Variants in BMPR2 observed in about 807,000 individuals in gnomAD.
The protein encoded by BMPR2 is bone morphogenetic protein receptor type-2.
A neutral mutation model predicts 100.8 loss-of-function variants in BMPR2; 29 were observed. The ratio of observed to expected loss-of-function variants is 0.29; its 90% CI spans 0.21 to 0.39. The LOEUF (loss-of-function observed/expected upper bound fraction) is 0.39, where lower values mean the gene tolerates loss of function less well. Ranked by LOEUF, BMPR2 falls within the 10% of genes least tolerant of loss-of-function variation. The pLI is 1.00. For synonymous variants in BMPR2, 382 were observed against 442.3 expected (o/e 0.86, Z 1.71); for missense variants, 1,011 against 1,274.5 (o/e 0.79, Z 3.15).
intron 1 of BMPR2, among the ~76,000 whole-genome samples, chr2:202,456,380 A>G (rs1395023391): frequency 6.6e-6 from 1 of 151,336 alleles, no homozygotes; most frequent in Non-Finnish European, 1.5e-5. Flanking sequence ...GGGTTTCACC[A>G]TGTTGGTCAG....
At chr2:202,469,317 C>G (rs1038543881) in intron 3 of BMPR2, among the ~76,000 whole-genome samples, 3 of 151,608 alleles carry the variant, frequency 2.0e-5, no homozygotes, top group Non-Finnish European at 4.4e-5. Context: ...TGTGAGCCAC[C>G]GTACTCGGCC....
At chr2:202,444,164 CTTGA>C (rs1338715161) in intron 1 of BMPR2, among the ~76,000 whole-genome samples, 1 of 150,532 alleles carries the variant, frequency 6.6e-6, no homozygotes, top group Non-Finnish European at 1.5e-5. Context: ...TTCTGTTAGT[CTTGA>C]TTATTTGTCA....
At chr2:202,493,445 T>A (rs577195499) in intron 3 of BMPR2, among the ~76,000 whole-genome samples, 4 of 152,294 alleles carry the variant, frequency 2.6e-5, no homozygotes, top group Admixed American at 6.5e-5. Flanking sequence ...TATTCTTCGA[T>A]GAAATGTTTT....
intron 1 of BMPR2, among the ~76,000 whole-genome samples, chr2:202,431,812 G>A (rs1308518391): frequency 1.3e-5 from 2 of 150,388 alleles, no homozygotes; most frequent in African/African-American, 2.5e-5. Flanking sequence ...TCCTAACAAG[G>A]CATTTCTCAG....
chr2:202,518,755 T>C (rs1055423751), intron 5 of BMPR2, 67 bp from the exon 6 acceptor site: 12 of 1,253,582 alleles, frequency 9.6e-6, no homozygotes, highest in Non-Finnish European at 1.4e-5. Flanking sequence ...ATTTGTACTT[T>C]ATTATTTAGT....
intron 3 of BMPR2, among the ~76,000 whole-genome samples, chr2:202,507,666 G>A (rs7605442): frequency 0.06 from 9,140 of 151,886 alleles, 335 homozygotes; most frequent in Middle Eastern, 0.13. Context: ...TGAGATCACA[G>A]GCATGAACTA....
chr2:202,539,732 G>A (rs902097083), intron 9 of BMPR2, among the ~76,000 whole-genome samples: 2 of 151,950 alleles, frequency 1.3e-5, no homozygotes, highest in African/African-American at 4.8e-5. Context: ...GAAAAAGGAA[G>A]AAAGAATAAG....
At chr2:202,524,422 C>G (rs917722479) in intron 7 of BMPR2, among the ~76,000 whole-genome samples, 2 of 150,790 alleles carry the variant, frequency 1.3e-5, no homozygotes, top group African/African-American at 4.9e-5. Context: ...ATAACAGGAT[C>G]ATTTGTACCT....
intron 3 of BMPR2, among the ~76,000 whole-genome samples, chr2:202,499,988 TC>T (rs1687345906): frequency 6.6e-6 from 1 of 152,142 alleles, no homozygotes; most frequent in African/African-American, 2.4e-5. Context: ...TGCCCCCTCA[TC>T]CATGTCCACT....
In BMPR2 at chr2:202,377,064, C is replaced by T. The variant is rs1690162077; in HGVS notation, c.-411C>T. 2 of 526,276 alleles carry T rather than the reference C, an allele frequency of 3.8e-6. No homozygotes were observed. Among genetic ancestry groups the T allele is most frequent in the South Asian group, 6.0e-5 (2 of 33,480 alleles). The allele number at this position is 526,276 out of a possible 1,614,324, so 32.6% of individuals were successfully genotyped here. A position where few individuals can be genotyped will look rare whatever the true frequency, so the allele number is the denominator to read the frequency against. ...CCGGCAGTCGGGAACTAGTTCTGAC[C>T]CTCGCCCCCCGACCCCGGATCGAAT... On this transcript the variant is annotated 5_prime_UTR_variant, in exon 1 of 13. Coordinates refer to ENST00000374580, the MANE Select transcript of BMPR2 (RefSeq NM_001204.7).
intron 1 of BMPR2, among the ~76,000 whole-genome samples, chr2:202,410,033 G>A (rs1473098003): frequency 6.6e-6 from 1 of 151,526 alleles, no homozygotes; most frequent in African/African-American, 2.4e-5. Flanking sequence ...CGCCCAGGCT[G>A]GAGTGCAGTG....
intron 1 of BMPR2, among the ~76,000 whole-genome samples, chr2:202,387,349 CATT>C (rs1235238650): frequency 6.6e-6 from 1 of 152,288 alleles, no homozygotes; most frequent in African/African-American, 2.4e-5. Flanking sequence ...TGTGTTATCT[CATT>C]ATCCTCTAAA....
chr2:202,559,653 TAA>T, intron 12 of BMPR2, 41 bp from the exon 13 acceptor site: 1 of 1,606,064 alleles, frequency 6.2e-7, no homozygotes, highest in Non-Finnish European at 8.5e-7. Flanking sequence ...CGTTATTTCT[TAA>T]GTTTGTTAAA....
At chr2:202,453,930 C>T (rs1692037097) in intron 1 of BMPR2, among the ~76,000 whole-genome samples, 1 of 151,928 alleles carries the variant, frequency 6.6e-6, no homozygotes. Flanking sequence ...TTTCATTTAC[C>T]TCATATATAC....
chr2:202,386,509 A>G (rs1238255015), intron 1 of BMPR2, among the ~76,000 whole-genome samples: 1 of 152,050 alleles, frequency 6.6e-6, no homozygotes, highest in Non-Finnish European at 1.5e-5. Context: ...TTTACCTTCA[A>G]AATATATCTA....
At chr2:202,435,018 C>T (rs1367030614) in intron 1 of BMPR2, among the ~76,000 whole-genome samples, 1 of 141,418 alleles carries the variant, frequency 7.1e-6, no homozygotes, top group African/African-American at 2.8e-5. Context: ...AGTTGCAGAC[C>T]CGCCTGGGCA....
intron 10 of BMPR2, among the ~76,000 whole-genome samples, chr2:202,546,453 G>T (rs932733503): frequency 1.5e-4 from 23 of 152,056 alleles, no homozygotes; most frequent in Non-Finnish European, 2.5e-4. Flanking sequence ...TGAAAGCATA[G>T]AAAATAGTCT....
At chr2:202,491,218 G>A (rs982094308) in intron 3 of BMPR2, among the ~76,000 whole-genome samples, 3 of 151,932 alleles carry the variant, frequency 2.0e-5, no homozygotes, top group African/African-American at 2.4e-5. Context: ...CACTACACCC[G>A]GCTAATCTTT....
chr2:202,413,490 C>T (rs1453359519), intron 1 of BMPR2, among the ~76,000 whole-genome samples: 1 of 152,090 alleles, frequency 6.6e-6, no homozygotes, highest in Non-Finnish European at 1.5e-5. Context: ...GTGGTGAGCA[C>T]AGGCTTATAG....
Sources: allele counts gnomAD v4.1 joint callset (sites outside exome capture counted in the v4.1 genomes callset), GRCh38; gene constraint gnomAD v4.1.1; transcripts MANE v1.5; gene names NCBI Gene and HGNC (gene_info 2026-07-23, HGNC 2026-07-21).